The following ZNRF3 variants were observed in gnomAD, a reference collection of about 807,000 sequenced individuals.
ZNRF3 encodes the protein E3 ubiquitin-protein ligase ZNRF3.
A neutral mutation model predicts 72.5 loss-of-function variants in ZNRF3; 23 were observed. The observed-to-expected ratio is 0.32, with a 90% CI of 0.23 to 0.45. The LOEUF (loss-of-function observed/expected upper bound fraction) is 0.45. Among genes scored for constraint, ZNRF3 ranks in the 20% least tolerant of loss-of-function variants. The pLI, the probability that ZNRF3 is intolerant of heterozygous loss-of-function variation, is 1.00. For missense variants in ZNRF3, 1,169 were observed against 1,272.1 expected, an observed-to-expected ratio of 0.92 and a Z score of 1.23; for synonymous variants, 610 against 545.3, an observed-to-expected ratio of 1.12 and a Z score of -1.65.
At chr22:28,981,912 G>A (rs1454825767) in intron 1 of ZNRF3, among the ~76,000 whole-genome samples, 1 of 151,688 alleles carries the variant, frequency 6.6e-6, no homozygotes, top group Non-Finnish European at 1.5e-5. Flanking sequence ...CAAGAGAATT[G>A]CTTGAACCCG....
rs569886764 is a variant in ZNRF3, at chr22:28,907,747, G to C, written c.300+23681G>C. 3.3e-5 allele frequency among the ~76,000 whole-genome samples: 5 copies of C among 152,338 alleles called. 1 individual carries two copies. The South Asian group carries it at 1.0e-3, about 32-fold the overall frequency. On this transcript the variant is annotated intron_variant, in intron 1 of 8. Transcript: ENST00000544604. ...AATCAGTGGGGATGGTTATGTGGTA[G>C]AACTTTTTCCCTGCCCACAGCGCAT...
chr22:28,916,354 C>T (rs1042423656), intron 1 of ZNRF3, among the ~76,000 whole-genome samples: 35 of 151,730 alleles, frequency 2.3e-4, no homozygotes, highest in African/African-American at 7.5e-4. Context: ...GCCACCATGC[C>T]TGGCTGAGAT....
chr22:28,919,666 C>G (rs1185188105), intron 1 of ZNRF3, among the ~76,000 whole-genome samples: 1 of 151,664 alleles, frequency 6.6e-6, no homozygotes, highest in Non-Finnish European at 1.5e-5. Context: ...GCCACCATGC[C>G]TGGCTAATTT....
chr22:29,011,080 C>T (rs2123852716), intron 2 of ZNRF3, among the ~76,000 whole-genome samples: 1 of 152,320 alleles, frequency 6.6e-6, no homozygotes. Context: ...TCTTCATCTA[C>T]CTTTTTTTTG....
Position 29,049,433 on chromosome 22 carries a change from A to G in ZNRF3, c.1252A>G (p.Ser418Gly). 2.5e-6 allele frequency: 4 copies of G among 1,606,032 alleles called. No homozygotes were observed. Among genetic ancestry groups the G allele is most frequent in the Non-Finnish European group, 3.4e-6 (4 of 1,179,380 alleles). The change falls in exon 8 of 9, where the codon AGC (serine) becomes GGC (glycine). Residue 418 changes from serine (S) to glycine (G), a missense_variant. By Grantham distance (56) the Ser-to-Gly change is moderately conservative. This residue lies in a region of ZNRF3 where 783 missense variants were observed against 731.4 expected (regional missense o/e 1.07). Transcript: ENST00000544604. The surrounding 1 kb of genome is among the most constrained non-coding windows in gnomAD (Gnocchi z 5.2). ...CCCGCAGACCCCCGCCTACATCCGC[A>G]GCTACCCACCCCTCCACCTGGACCA... ...YSPQTPAYIRSYPPLHLDHSL... is the reference protein window; with the variant it reads ...YSPQTPAYIRGYPPLHLDHSL...
intron 2 of ZNRF3, among the ~76,000 whole-genome samples, chr22:29,016,523 G>C (rs1427304679): frequency 6.6e-6 from 1 of 152,140 alleles, no homozygotes; most frequent in African/African-American, 2.4e-5. Flanking sequence ...TTAATTTAAG[G>C]ACCCAATGGG....
intron 2 of ZNRF3, among the ~76,000 whole-genome samples, chr22:29,031,783 A>G (rs1433497234): frequency 6.6e-6 from 1 of 152,138 alleles, no homozygotes; most frequent in African/African-American, 2.4e-5. Context: ...GGTGCTCTCC[A>G]TCGTGTTAAC....
chr22:28,973,613 G>C (rs1004076509), intron 1 of ZNRF3, among the ~76,000 whole-genome samples: 1 of 152,142 alleles, frequency 6.6e-6, no homozygotes, highest in African/African-American at 2.4e-5. Flanking sequence ...TCAGGGAGTG[G>C]AGAATGAGAG....
chr22:28,958,031 C>CA (rs2035291774), intron 1 of ZNRF3, among the ~76,000 whole-genome samples: 1 of 151,892 alleles, frequency 6.6e-6, no homozygotes, highest in Admixed American at 6.6e-5. Flanking sequence ...ACTAAAAATA[C>CA]AAAAAAATTA....
intron 2 of ZNRF3, among the ~76,000 whole-genome samples, chr22:29,005,549 G>A (rs1487861590): frequency 6.6e-6 from 1 of 152,216 alleles, no homozygotes; most frequent in Non-Finnish European, 1.5e-5. Context: ...AGCAGAGAAT[G>A]GAATTGAAGA....
At position 29,048,605 on chromosome 22, in the gene ZNRF3, G is replaced by A; in HGVS notation, c.1015+114G>A. Reference sequence around the variant, plus strand: ...CACCGTGGCACTGCCCTCTGGACTTGGAGGCCTGGCAGCCCTGGGTTTTGG... The same window carrying A: ...CACCGTGGCACTGCCCTCTGGACTTAGAGGCCTGGCAGCCCTGGGTTTTGG... On this transcript the variant is annotated intron_variant, in intron 7 of 8. Transcript: ENST00000544604. This position sits in a 1 kb window ranked among gnomAD's most constrained non-coding sequence, Gnocchi z 4.9. 1.9e-6 allele frequency: 2 copies of A among 1,054,684 alleles called. No homozygotes were observed. Among genetic ancestry groups the A allele is most frequent in the Non-Finnish European group, 2.8e-6 (2 of 705,356 alleles). The allele number at this position is 1,054,684 out of a possible 1,614,324, so 65.3% of individuals were successfully genotyped here.
At chr22:28,937,172 A>T (rs1367424974) in intron 1 of ZNRF3, among the ~76,000 whole-genome samples, 1 of 106,218 alleles carries the variant, frequency 9.4e-6, no homozygotes, top group Non-Finnish European at 1.7e-5. Context: ...CTTCTCTCTT[A>T]TAATATATAT....
intron 1 of ZNRF3, among the ~76,000 whole-genome samples, chr22:28,929,476 G>A (rs2034667512): frequency 6.6e-6 from 1 of 152,222 alleles, no homozygotes. Context: ...GACACTGCCA[G>A]ATGTCCCCTG....
At chr22:28,906,882 C>T (rs2034217125) in intron 1 of ZNRF3, among the ~76,000 whole-genome samples, 1 of 152,214 alleles carries the variant, frequency 6.6e-6, no homozygotes, top group East Asian at 1.9e-4. Flanking sequence ...TCCCCCTCAC[C>T]TCCCAATTTT....
chr22:28,981,231 T>C (rs1238425628), intron 1 of ZNRF3, among the ~76,000 whole-genome samples: 2 of 152,226 alleles, frequency 1.3e-5, no homozygotes, highest in Non-Finnish European at 2.9e-5. Context: ...GTGGAAGTAG[T>C]GTCTAGCTGA....
chr22:29,051,020 A>G (rs767966659), intron 8 of ZNRF3, 72 bp downstream of exon 8: 27 of 1,450,766 alleles, frequency 1.9e-5, no homozygotes, highest in Non-Finnish European at 2.3e-5. Flanking sequence ...TGTCTTAGGC[A>G]TTTTCTGAAT....
chr22:28,895,642 G>C (rs1021015575), intron 1 of ZNRF3, among the ~76,000 whole-genome samples: 1 of 152,146 alleles, frequency 6.6e-6, no homozygotes, highest in East Asian at 1.9e-4. Context: ...ACTCCAGCCT[G>C]GGCGACAGAG....
At chr22:29,052,255 C>G (rs766749183) in intron 8 of ZNRF3, among the ~76,000 whole-genome samples, 1 of 152,316 alleles carries the variant, frequency 6.6e-6, no homozygotes, top group Admixed American at 6.5e-5. Context: ...TTCCTCTCTT[C>G]GGGACAGAGG....
chr22:28,927,531 CT>C (rs2034626356), intron 1 of ZNRF3, among the ~76,000 whole-genome samples: 1 of 152,208 alleles, frequency 6.6e-6, no homozygotes, highest in Non-Finnish European at 1.5e-5. Context: ...TTTATATGAA[CT>C]ATTTTCTTTT....
Sources: gnomAD v4.1 joint callset for allele counts (sites outside exome capture counted in the v4.1 genomes callset) on GRCh38, gnomAD v4.1.1 for gene constraint, gnomAD v4.1.1 regional missense constraint, Gnocchi (gnomAD v3.1) non-coding constraint, MANE v1.5 for transcripts, NCBI Gene and HGNC (gene_info 2026-07-23, HGNC 2026-07-21) for gene names.